The following ADGRF1 variants were observed in gnomAD, a reference collection of about 807,000 sequenced individuals.
ADGRF1 encodes adhesion G protein-coupled receptor F1.
Under a neutral mutation model 87.2 loss-of-function variants are expected in ADGRF1, and 85 were observed. The observed-to-expected ratio is 0.97, with a 90% CI of 0.82 to 1.17. ADGRF1 has a LOEUF of 1.17. Ranked by LOEUF, ADGRF1 falls within the 50% of genes most tolerant of loss-of-function variation. The pLI is 0.00. For synonymous variants in ADGRF1, 430 were observed against 408.8 expected (o/e 1.05, Z -0.63); for missense variants, 1,169 against 1,077.2 (o/e 1.09, Z -1.19).
At position 47,014,798 on chromosome 6, in the gene ADGRF1, T is replaced by C; in HGVS notation, c.810A>G (p.Glu270=). The part of the protein sequence containing the change: ...IVFGFGSKDD[E]YTLPCSSGYR... The stretch of plus-strand genomic sequence containing the variant: ...AGCCACTGCTGCAGGGCAGGGTATA[T>C]TCATCATCCTTGGACCCAAATCCAA... The change falls in exon 9 of 15, where the codon GAA becomes GAG. Residue 270 remains glutamate (E), a synonymous_variant. Coordinates refer to ENST00000371253, the MANE Select transcript of ADGRF1 (RefSeq NM_153840.4). 1.2e-6 allele frequency: 2 copies of C among 1,613,702 alleles called. No individual in the cohort carries two copies. The highest frequency in any genetic ancestry group is 2.2e-5 in the South Asian group (2 of 91,032).
In ADGRF1 at chr6:47,025,902, A is replaced by G; in HGVS notation, c.229T>C (p.Leu77=). 3 of 1,612,072 alleles carry G rather than the reference A, an allele frequency of 1.9e-6. No homozygotes were observed. The highest frequency in any genetic ancestry group is 1.7e-5 in the Admixed American group (1 of 59,986). Residue 77 remains leucine, a synonymous_variant, in exon 4 of 15, where the codon TTA becomes CTA. Coordinates refer to ENST00000371253, the MANE Select transcript of ADGRF1 (RefSeq NM_153840.4). ...NFLKLLKPPL[L]WSHGLIRIIR... ...ATTCTAATTAGCCCATGTGACCATAATAATGGAGGCTTCAAGAGCTTCAGA... is the reference window on the plus strand; with the variant it reads ...ATTCTAATTAGCCCATGTGACCATAGTAATGGAGGCTTCAAGAGCTTCAGA...
chr6:47,008,409 C>G lies in ADGRF1; in HGVS notation c.2490+536G>C, dbSNP rs547712808. ...CAGGTGGTAAGCACTTTAGGCTTTG[C>G]GGGCTATACGGTTTCTTTTGCAACT... On this transcript the variant is annotated intron_variant, in intron 11 of 14. Transcript: ENST00000371253. 7.9e-5 allele frequency among the ~76,000 whole-genome samples: 12 copies of G among 152,290 alleles called. No homozygotes were observed. In the South Asian group the frequency reaches 2.3e-3, roughly 29 times the overall value.
intron 1 of ADGRF1, among the ~76,000 whole-genome samples, chr6:47,029,503 G>C (rs1780345796): frequency 6.6e-6 from 1 of 152,004 alleles, no homozygotes; most frequent in African/African-American, 2.4e-5. Context: ...TTAATACCAG[G>C]ATATAATTTG....
intron 1 of ADGRF1, among the ~76,000 whole-genome samples, chr6:47,033,335 T>C (rs1780489872): frequency 6.6e-6 from 1 of 152,230 alleles, no homozygotes; most frequent in Non-Finnish European, 1.5e-5. Flanking sequence ...GAGGGCTGGC[T>C]GTTGTCTCCC....
At position 47,010,227 on chromosome 6, in the gene ADGRF1, C is replaced by T. The variant is rs370877903; in HGVS notation, c.1208G>A (p.Arg403Gln). The T allele has an allele frequency of 9.3e-6, 15 of 1,613,934 alleles. No homozygotes were observed. Among genetic ancestry groups the T allele is most frequent in the South Asian group, 4.4e-5 (4 of 91,072 alleles). The part of the protein sequence containing the change: ...LLREEKYASS[R>Q]LLETLENIST... ...GATGTTTTCTAATGTCTCTAGTAAC[C>T]GTGAGCTGGCATACTTTTCTTCCCG... Residue 403 changes from arginine (R) to glutamine (Q), a missense_variant, in exon 11 of 15, where the codon CGG becomes CAG. Arg to Gln is a conservative substitution (Grantham distance 43). Transcript: ENST00000371253.
rs759613059 is a variant in ADGRF1 at position 47,005,857 on chromosome 6, T to C, written c.2552A>G (p.Asn851Ser). The change falls in exon 13 of 15, where the codon AAC (asparagine) becomes AGC (serine). Residue 851 changes from asparagine to serine, a missense_variant. Asn to Ser is a conservative substitution (Grantham distance 46). Coordinates refer to ENST00000371253, the MANE Select transcript of ADGRF1 (RefSeq NM_153840.4). ...LDSKLRQLLF[N>S]KLSALSSWKQ... is the part of the protein sequence containing the mutation. ...CCAAGAACTTAAGGCAGACAACTTG[T>C]TGAACAGAAGTTGTCGCAGCTATAA... 1.2e-6 allele frequency: 2 copies of C among 1,612,342 alleles called. No individual in the cohort carries two copies. Among genetic ancestry groups the C allele is most frequent in the South Asian group, 2.2e-5 (2 of 90,838 alleles).
intron 3 of ADGRF1, 94 bp from the exon 4 acceptor site, chr6:47,026,097 C>G (rs963437934): frequency 5.4e-6 from 6 of 1,105,100 alleles, no homozygotes; most frequent in Admixed American, 4.4e-5. Flanking sequence ...AAATTTAGGT[C>G]AGGGACTCTA....
chr6:47,004,206 A>G (rs1403261692), intron 13 of ADGRF1, among the ~76,000 whole-genome samples: 1 of 152,160 alleles, frequency 6.6e-6, no homozygotes, highest in African/African-American at 2.4e-5. Context: ...TGGCAGGAAT[A>G]TTCATCAAGT....
Position 46,997,983 on chromosome 6 carries a change from C to T in ADGRF1, c.*2239G>A, listed in dbSNP as rs1779259649. The T allele has an allele frequency of 6.6e-6, 1 of 152,168 alleles. No individual in the cohort carries two copies. Among genetic ancestry groups the T allele is most frequent in the Non-Finnish European group, 1.5e-5 (1 of 68,016 alleles). 9.4% of individuals were successfully genotyped at this position (152,168 alleles called of 1,614,324 possible). A position where few individuals can be genotyped will look rare whatever the true frequency, so the allele number is the denominator to read the frequency against. ...AGTCGCCTACAATAAGAAGAAACTA[C>T]AATAATTTAGTACTAAATTTTTCTT... On this transcript the variant is annotated 3_prime_UTR_variant, in exon 15 of 15. Coordinates refer to ENST00000371253, the MANE Select transcript of ADGRF1 (RefSeq NM_153840.4).
At chr6:47,024,565 T>C (rs562184480) in intron 4 of ADGRF1, among the ~76,000 whole-genome samples, 2 of 152,284 alleles carry the variant, frequency 1.3e-5, no homozygotes, top group African/African-American at 4.8e-5. Flanking sequence ...CTGCCCGCCT[T>C]GGCCTCCCAA....
rs189137420 is a variant in ADGRF1 at position 46,997,741 on chromosome 6, A to T, written c.*2481T>A. 18 of 152,340 alleles carry T rather than the reference A, an allele frequency of 1.2e-4. No individual in the cohort carries two copies. Among genetic ancestry groups the T allele is most frequent in the Non-Finnish European group, 1.9e-4 (13 of 68,024 alleles). The allele number at this position is 152,340 out of a possible 1,614,324, so 9.4% of individuals were successfully genotyped here. On this transcript the variant is annotated 3_prime_UTR_variant, in exon 15 of 15. Transcript: ENST00000371253. ...TTCATTATTTTATTGTTGTTTTAGT[A>T]GCATTTTGAGGTGAATGTATGCATA...
chr6:47,012,282 T>G (rs982456887), intron 9 of ADGRF1, 87 bp from the exon 10 acceptor site: 2 of 1,550,580 alleles, frequency 1.3e-6, no homozygotes, highest in African/African-American at 2.7e-5. Flanking sequence ...CATATAGAAC[T>G]AACATTTGTA....
In ADGRF1 at chr6:46,999,685, A is replaced by C. The variant is rs1353440315; in HGVS notation, c.*537T>G. Reference sequence around the variant, plus strand: ...ACATTTTATTTCTGATTAACTTTCAATATTAAGTGATAGAACCTAAGAAGC... The same window carrying C: ...ACATTTTATTTCTGATTAACTTTCACTATTAAGTGATAGAACCTAAGAAGC... On this transcript the variant is annotated 3_prime_UTR_variant, in exon 15 of 15. Transcript: ENST00000371253. 6.6e-6 allele frequency: 1 copy of C among 152,574 alleles called. No homozygotes were observed. The highest frequency in any genetic ancestry group is 6.5e-5 in the Admixed American group (1 of 15,338). 9.5% of individuals were successfully genotyped at this position (152,574 alleles called of 1,614,324 possible).
At chr6:47,008,914 C>A (rs1582143678) in intron 11 of ADGRF1, 31 bp downstream of exon 11, 1 of 1,533,650 alleles carries the variant, frequency 6.5e-7, no homozygotes, top group Non-Finnish European at 8.8e-7. Context: ...AATCACTTGA[C>A]AATACAATAG....
At chr6:47,037,714 T>C (rs896943080) in intron 1 of ADGRF1, among the ~76,000 whole-genome samples, 2 of 152,176 alleles carry the variant, frequency 1.3e-5, no homozygotes, top group Non-Finnish European at 2.9e-5. Flanking sequence ...GGTCTTGACA[T>C]ATTGTTCACA....
At chr6:47,035,784 A>T (rs931866655) in intron 1 of ADGRF1, among the ~76,000 whole-genome samples, 1 of 152,224 alleles carries the variant, frequency 6.6e-6, no homozygotes, top group South Asian at 2.1e-4. Context: ...AAGAACGTAC[A>T]TTTCAAACCT....
intron 1 of ADGRF1, among the ~76,000 whole-genome samples, chr6:47,039,256 C>T (rs906936077): frequency 1.3e-5 from 2 of 152,196 alleles, no homozygotes; most frequent in Admixed American, 6.5e-5. Context: ...TCTGATAATG[C>T]TCATCAATAA....
At chr6:47,024,537 C>T (rs1404386940) in intron 4 of ADGRF1, among the ~76,000 whole-genome samples, 1 of 152,176 alleles carries the variant, frequency 6.6e-6, no homozygotes, top group Non-Finnish European at 1.5e-5. Flanking sequence ...TGGTCTTGAA[C>T]TCCTGAGCTC....
rs1017463604 is a variant in ADGRF1 at position 47,025,942 on chromosome 6, T to C, written c.189A>G (p.Arg63=). ...QVTYRDSKEK[R]DLRNFLKLLK... ...AGAGCTTCAGAAAATTTCTCAAATC[T>C]CTTTTCTCCTTGGAATCTCTATAGG... Residue 63 remains arginine, a synonymous_variant, in exon 4 of 15, where the codon AGA becomes AGG. Transcript: ENST00000371253. 4 of 1,611,932 alleles carry C rather than the reference T, an allele frequency of 2.5e-6. No individual in the cohort carries two copies. Among genetic ancestry groups the C allele is most frequent in the Non-Finnish European group, 3.4e-6 (4 of 1,179,400 alleles).
Sources: allele counts gnomAD v4.1 joint callset (sites outside exome capture counted in the v4.1 genomes callset), GRCh38; gene constraint gnomAD v4.1.1; transcripts MANE v1.5; gene names NCBI Gene and HGNC (gene_info 2026-07-23, HGNC 2026-07-21).